Variants in ANK1 observed in about 807,000 individuals in gnomAD.
ANK1 encodes the protein ankyrin-1.
Under a neutral mutation model 210.4 loss-of-function variants are expected in ANK1, and 51 were observed. That is an observed-to-expected ratio of 0.24 (90% CI 0.19 to 0.31). The LOEUF (loss-of-function observed/expected upper bound fraction) is 0.31. Ranked by LOEUF, ANK1 falls within the 10% of genes least tolerant of loss-of-function variation. The pLI is 1.00. For synonymous variants in ANK1, 967 were observed against 1,025.9 expected, an observed-to-expected ratio of 0.94 and a Z score of 1.10; for missense variants, 2,051 against 2,504.4, an observed-to-expected ratio of 0.82 and a Z score of 3.86.
chr8:41,727,141 A>T, intron 5 of ANK1, 109 bp downstream of exon 5: 1 of 829,880 alleles, frequency 1.2e-6, no homozygotes, highest in South Asian at 1.4e-5. Context: ...AAGGTCATCC[A>T]TCATGACATG....
chr8:41,821,257 T>G (rs75222030), intron 1 of ANK1, among the ~76,000 whole-genome samples: 26 of 152,196 alleles, frequency 1.7e-4, no homozygotes, highest in African/African-American at 5.8e-4. Flanking sequence ...AGATAAAAAC[T>G]TGAAATATGA....
chr8:41,887,194 A>T (rs1220265128), intron 1 of ANK1, among the ~76,000 whole-genome samples: 1 of 148,572 alleles, frequency 6.7e-6, no homozygotes, highest in Non-Finnish European at 1.5e-5. Context: ...TGTCTCGACA[A>T]CTTGTTTATT....
At chr8:41,783,220 G>A (rs530329984) in intron 1 of ANK1, among the ~76,000 whole-genome samples, 37 of 152,300 alleles carry the variant, frequency 2.4e-4, no homozygotes, top group African/African-American at 7.7e-4. Context: ...AGATCGTTTC[G>A]AAAGTCTCCC....
chr8:41,699,516 G>C lies in ANK1; in HGVS notation c.2494C>G (p.Arg832Gly). Reference sequence around the variant, plus strand: ...TCTTCATCAACATCCCTGGAATCCCGCCTCTCAGCCTTGAAGCTGATGAGT... The same window carrying C: ...TCTTCATCAACATCCCTGGAATCCCCCCTCTCAGCCTTGAAGCTGATGAGT... ...EELISFKAER[R>G]DSRDVDEEKE... Residue 832 changes from arginine to glycine, a missense_variant, in exon 23 of 43, where the codon CGG becomes GGG. By Grantham distance (125) the Arg-to-Gly change is moderately radical. Transcript: ENST00000289734. 1 of 1,614,134 alleles carries C rather than the reference G, an allele frequency of 6.2e-7. No individual in the cohort carries two copies. Among genetic ancestry groups the C allele is most frequent in the Middle Eastern group, 1.7e-4 (1 of 6,050 alleles).
intron 42 of ANK1, among the ~76,000 whole-genome samples, chr8:41,660,200 TA>T (rs1164280141): frequency 2.0e-5 from 3 of 152,114 alleles, no homozygotes; most frequent in Non-Finnish European, 4.4e-5. Context: ...AATTTTATCC[TA>T]TAACTGGATC....
At chr8:41,692,575 C>T (rs1819567384) in intron 31 of ANK1, 73 bp downstream of exon 31, 4 of 1,466,936 alleles carry the variant, frequency 2.7e-6, no homozygotes, top group Non-Finnish European at 3.8e-6. Flanking sequence ...CCTGCCTGCA[C>T]CTGGTAATGG....
chr8:41,851,842 C>A (rs977871635), intron 1 of ANK1, among the ~76,000 whole-genome samples: 2 of 152,116 alleles, frequency 1.3e-5, no homozygotes, highest in Admixed American at 6.5e-5. Flanking sequence ...GGTGACAGAG[C>A]CAGATCCTGT....
rs1849016140 is a variant in ANK1 at position 41,797,601 on chromosome 8, T to C, written c.-63A>G. 6.2e-7 allele frequency: 1 copy of C among 1,606,838 alleles called. No homozygotes were observed. Among genetic ancestry groups the C allele is most frequent in the Middle Eastern group, 2.0e-4 (1 of 5,124 alleles). On this transcript the variant is annotated 5_prime_UTR_variant, in exon 1 of 43. Transcript: ENST00000289734. This position sits in a 1 kb window ranked among gnomAD's most constrained non-coding sequence, Gnocchi z 4.0. ...GGGCTTGAGGAGGAGCAGCTGGGGC[T>C]GGCGGACTCACCGCAGCCTCTGCGG...
At chr8:41,749,295 CTT>C (rs35569972) in intron 2 of ANK1, among the ~76,000 whole-genome samples, 57 of 115,398 alleles carry the variant, frequency 4.9e-4, no homozygotes, top group East Asian at 1.2e-3. Flanking sequence ...TCATCTTGGA[CTT>C]TTTTTTTTTT....
intron 2 of ANK1, among the ~76,000 whole-genome samples, chr8:41,745,085 T>A (rs369338464): frequency 6.6e-4 from 72 of 109,558 alleles, no homozygotes; most frequent in African/African-American, 1.8e-3. Flanking sequence ...AGAGACAGCG[T>A]GAGAAAACAG....
intron 2 of ANK1, among the ~76,000 whole-genome samples, chr8:41,737,456 T>C (rs1423440833): frequency 2.0e-5 from 3 of 152,186 alleles, no homozygotes; most frequent in Admixed American, 2.0e-4. Context: ...TTCATCACTC[T>C]GATCTGCAGA....
In ANK1 at chr8:41,739,147, TG is replaced by T. The variant is rs963536029; in HGVS notation, c.130-5079del. Among the ~76,000 whole-genome samples the T allele has an allele frequency of 1.4e-4, 21 of 152,370 alleles. 1 individual carries two copies. Among genetic ancestry groups the T allele is most frequent in the African/African-American group, 5.0e-4 (21 of 41,602 alleles). On this transcript the variant is annotated intron_variant, in intron 2 of 42. Transcript: ENST00000289734. ...AGCTCTTGGCTACTCTGTTTTGGTTTGTTTTTTCCCCCTCTTTTCTCTCTTT... is the reference window on the plus strand; with the variant it reads ...AGCTCTTGGCTACTCTGTTTTGGTTTTTTTTTCCCCCTCTTTTCTCTCTTT...
At chr8:41,894,711 C>CAG (rs1222957086) in intron 1 of ANK1, among the ~76,000 whole-genome samples, 3 of 152,186 alleles carry the variant, frequency 2.0e-5, no homozygotes, top group Admixed American at 1.3e-4. Flanking sequence ...AATGGAAACA[C>CAG]AGAGCACTCC....
exon 1 of ANK1, chr8:41,896,388 C>T: frequency 6.2e-7 from 1 of 1,602,060 alleles, no homozygotes; most frequent in Non-Finnish European, 8.5e-7. Flanking sequence ...GGTTTCTCCG[C>T]TTCCTGTTGG....
chr8:41,674,260 C>T (rs1231555426), intron 37 of ANK1, among the ~76,000 whole-genome samples: 1 of 152,214 alleles, frequency 6.6e-6, no homozygotes, highest in Non-Finnish European at 1.5e-5. Flanking sequence ...ACATGCCAGG[C>T]ACTGTGCTAT....
chr8:41,830,027 A>G (rs748526453), intron 1 of ANK1: 3 of 151,790 alleles, frequency 2.0e-5, no homozygotes, highest in Non-Finnish European at 2.9e-5. Context: ...TTCCTCCGAT[A>G]ACATCAATGA....
intron 1 of ANK1, among the ~76,000 whole-genome samples, chr8:41,866,260 G>T (rs10087908): frequency 6.6e-6 from 1 of 152,140 alleles, no homozygotes; most frequent in African/African-American, 2.4e-5. Context: ...CGTGATCACA[G>T]CTCATTGCGG....
intron 1 of ANK1, among the ~76,000 whole-genome samples, chr8:41,854,393 A>C (rs11996388): frequency 0.017 from 2,590 of 152,282 alleles, 81 homozygotes; most frequent in African/African-American, 0.06. Context: ...AAGGAGCCAA[A>C]TAATTCCAGC....
chr8:41,765,259 A>G (rs1841510145), intron 1 of ANK1, among the ~76,000 whole-genome samples: 1 of 146,850 alleles, frequency 6.8e-6, no homozygotes, highest in Non-Finnish European at 1.5e-5. Flanking sequence ...TTCTTTCAAG[A>G]CAGAGTCTCC....
Sources: allele counts gnomAD v4.1 joint callset (sites outside exome capture counted in the v4.1 genomes callset), GRCh38; gene constraint gnomAD v4.1.1; non-coding constraint Gnocchi (gnomAD v3.1); transcripts MANE v1.5; gene names NCBI Gene and HGNC (gene_info 2026-07-23, HGNC 2026-07-21).